XRRA1: variants seen among roughly 807,000 people sequenced by gnomAD.
The protein encoded by XRRA1 is X-ray radiation resistance-associated protein 1.
In XRRA1, 69 loss-of-function variants were observed where a neutral mutation model predicts 80.2. The observed-to-expected ratio is 0.86, with a 90% CI of 0.71 to 1.05. The LOEUF is 1.05. XRRA1 is among the 50% of genes least tolerant of loss of function. The pLI is 0.00. For synonymous variants in XRRA1, 348 were observed against 389.9 expected (o/e 0.89, Z 1.27); for missense variants, 967 against 976.4 (o/e 0.99, Z 0.13).
chr11:74,843,070 C>G lies in XRRA1; in HGVS notation c.*130G>C. On this transcript the variant is annotated 3_prime_UTR_variant, in exon 19 of 19. Coordinates refer to ENST00000684022, the MANE Select transcript of XRRA1 (RefSeq NM_001378157.1). ...CAAGGGGATGCCACCTTGTGGCCAGCAAGTGGGGCCCAGCTGAGCTCTGAG... is the reference window on the plus strand; with the variant it reads ...CAAGGGGATGCCACCTTGTGGCCAGGAAGTGGGGCCCAGCTGAGCTCTGAG... The G allele has an allele frequency of 1.5e-6, 2 of 1,293,364 alleles. No individual in the cohort carries two copies. The highest frequency in any genetic ancestry group is 2.1e-6 in the Non-Finnish European group (2 of 968,668). 80.1% of individuals were successfully genotyped at this position (1,293,364 alleles called of 1,614,324 possible). A position where few individuals can be genotyped will look rare whatever the true frequency, so the allele number is the denominator to read the frequency against.
At chr11:74,922,475 C>G (rs1941138957) in intron 7 of XRRA1, among the ~76,000 whole-genome samples, 1 of 152,080 alleles carries the variant, frequency 6.6e-6, no homozygotes, top group African/African-American at 2.4e-5. Flanking sequence ...TATTTGTTCT[C>G]CTTCTCCTAA....
chr11:74,935,864 A>G (rs777064022), intron 4 of XRRA1, among the ~76,000 whole-genome samples: 5 of 152,194 alleles, frequency 3.3e-5, no homozygotes, highest in Admixed American at 6.5e-5. Context: ...ATGGGAATGT[A>G]TAAGTATTTG....
chr11:74,879,198 TC>T (rs2046850993), intron 10 of XRRA1, among the ~76,000 whole-genome samples: 1 of 150,818 alleles, frequency 6.6e-6, no homozygotes, highest in Non-Finnish European at 1.5e-5. Flanking sequence ...TAAGTTGGAT[TC>T]CTAGGTATTT....
intron 10 of XRRA1, among the ~76,000 whole-genome samples, chr11:74,881,105 T>G (rs1415012463): frequency 6.8e-6 from 1 of 146,168 alleles, no homozygotes; most frequent in African/African-American, 2.5e-5. Context: ...CTAAGTCTCT[T>G]TGTAGGTCAC....
intron 10 of XRRA1, among the ~76,000 whole-genome samples, chr11:74,873,394 C>G (rs1246717073): frequency 6.6e-6 from 1 of 152,174 alleles, no homozygotes; most frequent in East Asian, 1.9e-4. Flanking sequence ...TTTGCTAACC[C>G]AAATACCTGA....
At chr11:74,847,614 G>A (rs2038639426) in intron 15 of XRRA1, among the ~76,000 whole-genome samples, 1 of 152,084 alleles carries the variant, frequency 6.6e-6, no homozygotes, top group Non-Finnish European at 1.5e-5. Flanking sequence ...TCCTGGGCTG[G>A]GGCAGAGGCA....
intron 11 of XRRA1, among the ~76,000 whole-genome samples, chr11:74,860,081 A>AT (rs1175724729): frequency 6.6e-6 from 1 of 152,202 alleles, no homozygotes; most frequent in Non-Finnish European, 1.5e-5. Flanking sequence ...TGAATTAATT[A>AT]ATCACTATGG....
intron 8 of XRRA1, among the ~76,000 whole-genome samples, chr11:74,919,190 G>C (rs536909175): frequency 3.5e-4 from 54 of 152,190 alleles, no homozygotes; most frequent in African/African-American, 1.1e-3. Context: ...TTACCTTTTA[G>C]AGCTACATAC....
At chr11:74,922,256 CAAAAAA>C (rs398016677) in intron 7 of XRRA1, among the ~76,000 whole-genome samples, 1 of 69,680 alleles carries the variant, frequency 1.4e-5, no homozygotes, top group Non-Finnish European at 2.5e-5. Context: ...GACTCTGCCT[CAAAAAA>C]AAAAAAAAAA....
In XRRA1 at chr11:74,848,336, T is replaced by C. The variant is rs2038849187; in HGVS notation, c.1507A>G (p.Thr503Ala). Reference protein sequence around the residue: ...PEAELAEDLPTTKSTSVESEM... With the variant: ...PEAELAEDLPATKSTSVESEM... ...GACTCCACAGAAGTGCTTTTGGTAG[T>C]GGGCAGATCTTCAGCCAGCTCTGCC... Residue 503 changes from threonine to alanine, a missense_variant, in exon 15 of 19, where the codon ACT becomes GCT. Thr to Ala is a moderately conservative substitution (Grantham distance 58). Transcript: ENST00000684022. 6.2e-7 allele frequency: 1 copy of C among 1,613,908 alleles called. No homozygotes were observed. The highest frequency in any genetic ancestry group is 8.5e-7 in the Non-Finnish European group (1 of 1,179,840).
In XRRA1 at chr11:74,948,933, T is replaced by G; in HGVS notation, c.-78A>C. On this transcript the variant is annotated 5_prime_UTR_variant, in exon 1 of 19. Transcript: ENST00000684022. ...AAACTAAGTTTCAGTCGCACCTGCC[T>G]CCGGCGTCGCTTCAGCCTCCGAGGG... 1.0e-5 allele frequency: 2 copies of G among 195,002 alleles called. No homozygotes were observed. The highest frequency in any genetic ancestry group is 9.3e-5 in the South Asian group (1 of 10,728). 12.1% of individuals were successfully genotyped at this position (195,002 alleles called of 1,614,324 possible).
chr11:74,943,622 C>T (rs1474272238), intron 2 of XRRA1, among the ~76,000 whole-genome samples: 1 of 151,400 alleles, frequency 6.6e-6, no homozygotes, highest in Admixed American at 6.6e-5. Flanking sequence ...AACTAGTCAG[C>T]TCTTACCAAC....
intron 10 of XRRA1, among the ~76,000 whole-genome samples, chr11:74,889,500 G>A (rs1181592230): frequency 6.6e-5 from 10 of 152,090 alleles, no homozygotes; most frequent in Non-Finnish European, 4.4e-5. Flanking sequence ...ATCAACTAAC[G>A]AGCAAAATAA....
intron 11 of XRRA1, 37 bp from the exon 12 acceptor site, chr11:74,859,320 A>C: frequency 6.3e-7 from 1 of 1,578,326 alleles, no homozygotes; most frequent in Non-Finnish European, 8.6e-7. Flanking sequence ...AAAGTGCCCG[A>C]TAATAAATAA....
chr11:74,946,962 A>G (rs1947683013), intron 1 of XRRA1, among the ~76,000 whole-genome samples: 1 of 152,018 alleles, frequency 6.6e-6, no homozygotes, highest in African/African-American at 2.4e-5. Context: ...CATGTTAGCC[A>G]TGATGGTCTT....
intron 7 of XRRA1, among the ~76,000 whole-genome samples, chr11:74,923,943 T>C (rs753756270): frequency 2.0e-5 from 3 of 152,144 alleles, no homozygotes; most frequent in Non-Finnish European, 4.4e-5. Context: ...AGCCTCAAGC[T>C]GCTGGGCTCA....
chr11:74,853,418 G>C (rs371145580), intron 12 of XRRA1, among the ~76,000 whole-genome samples: 1 of 152,196 alleles, frequency 6.6e-6, no homozygotes, highest in Admixed American at 6.5e-5. Flanking sequence ...TCCAGCCAAC[G>C]CAACTTGGGC....
intron 8 of XRRA1, among the ~76,000 whole-genome samples, chr11:74,920,623 A>C (rs1465495756): frequency 6.6e-6 from 1 of 152,182 alleles, no homozygotes; most frequent in East Asian, 1.9e-4. Flanking sequence ...AGTCTGATAG[A>C]CTTGATTCAA....
rs1156855872 is a variant in XRRA1 at position 74,843,918 on chromosome 11, G to T, written c.2085C>A (p.Ala695=). 1.9e-6 allele frequency: 3 copies of T among 1,613,722 alleles called. No individual in the cohort carries two copies. The South Asian group carries it at 3.3e-5, about 18-fold the overall frequency. ...IPIPPPKKTR[A]QLLDDIFIRL... ...GAATGAAGATGTCATCCAGAAGTTGGGCTCTAGTCTTCTTTGGGGGTGGAA... is the reference window on the plus strand; with the variant it reads ...GAATGAAGATGTCATCCAGAAGTTGTGCTCTAGTCTTCTTTGGGGGTGGAA... The change falls in exon 18 of 19, where the codon GCC becomes GCA. Residue 695 remains alanine, a synonymous_variant. Coordinates refer to ENST00000684022, the MANE Select transcript of XRRA1 (RefSeq NM_001378157.1).
Sources: gnomAD v4.1 joint callset for allele counts (sites outside exome capture counted in the v4.1 genomes callset) on GRCh38, gnomAD v4.1.1 for gene constraint, MANE v1.5 for transcripts, NCBI Gene and HGNC (gene_info 2026-07-23, HGNC 2026-07-21) for gene names.